Variants in FIP1L1 observed in about 807,000 individuals in gnomAD.
The protein encoded by FIP1L1 is pre-mRNA 3'-end-processing factor FIP1.
A neutral mutation model predicts 84.6 loss-of-function variants in FIP1L1; 21 were observed. That is an observed-to-expected ratio of 0.25 (90% CI 0.18 to 0.36). The LOEUF is 0.36. Among genes scored for constraint, FIP1L1 ranks in the 10% least tolerant of loss-of-function variants. FIP1L1 has a pLI of 1.00. For missense variants in FIP1L1, 526 were observed against 751.1 expected (o/e 0.70, Z 3.50); for synonymous variants, 263 against 242.3 (o/e 1.09, Z -0.80).
At position 53,399,699 on chromosome 4, in the gene FIP1L1, T is replaced by C. The variant is rs761468740; in HGVS notation, c.706-31T>C. ...CATTATGTTTGAGTGTTCTGTTAAA[T>C]TCAACAAGCTAATAACCTTTTTTTT... On this transcript the variant is annotated intron_variant, in intron 9 of 17. Transcript: ENST00000337488. 1.2e-5 allele frequency: 17 copies of C among 1,442,158 alleles called. No individual in the cohort carries two copies. In the South Asian group the frequency reaches 1.4e-4, roughly 12 times the overall value. The allele number at this position is 1,442,158 out of a possible 1,614,324, so 89.3% of individuals were successfully genotyped here.
intron 9 of FIP1L1, among the ~76,000 whole-genome samples, chr4:53,397,325 A>G (rs535329311): frequency 1.3e-5 from 2 of 152,304 alleles, no homozygotes; most frequent in East Asian, 3.9e-4. Context: ...TGGTAGACTC[A>G]GTAAAATTGG....
intron 11 of FIP1L1, 97 bp from the exon 12 acceptor site, chr4:53,425,775 T>C: frequency 1.2e-6 from 1 of 830,250 alleles, no homozygotes; most frequent in Non-Finnish European, 1.9e-6. Context: ...TTTTAAAATT[T>C]ATTGCAAACA....
Position 53,389,844 on chromosome 4 carries a change from A to G in FIP1L1, c.368A>G (p.Lys123Arg). The change falls in exon 6 of 18, where the codon AAG becomes AGG. Residue 123 changes from lysine (K) to arginine (R), a missense_variant. This residue lies in a region of FIP1L1 where 169 missense variants were observed against 206.9 expected (regional missense o/e 0.82). Coordinates refer to ENST00000337488, the MANE Select transcript of FIP1L1 (RefSeq NM_030917.4). ...YGTAPVNLNI[K>R]TGGRVYGTTG... ...ACAGCACCTGTAAATCTTAACATCA[A>G]GACAGGGGGAAGAGTTTATGGAACT... The G allele has an allele frequency of 6.2e-7, 1 of 1,602,524 alleles. No homozygotes were observed. Among genetic ancestry groups the G allele is most frequent in the Non-Finnish European group, 8.5e-7 (1 of 1,176,380 alleles).
chr4:53,458,196 A>G (rs142070223), intron 16 of FIP1L1, among the ~76,000 whole-genome samples: 1 of 152,250 alleles, frequency 6.6e-6, no homozygotes, highest in Non-Finnish European at 1.5e-5. Flanking sequence ...AGTAATTGTG[A>G]GTCGTGTATT....
chr4:53,396,427 A>T (rs562485793), intron 9 of FIP1L1, among the ~76,000 whole-genome samples: 1 of 151,948 alleles, frequency 6.6e-6, no homozygotes, highest in African/African-American at 2.4e-5. Context: ...CCCAAGATGG[A>T]GTCTTGCTCT....
At chr4:53,425,205 A>T (rs1763856904) in intron 11 of FIP1L1, among the ~76,000 whole-genome samples, 1 of 152,098 alleles carries the variant, frequency 6.6e-6, no homozygotes, top group African/African-American at 2.4e-5. Flanking sequence ...TTTTAACATT[A>T]TTTTATTTAA....
At position 53,439,013 on chromosome 4, in the gene FIP1L1, C is replaced by T. The variant is rs149113209; in HGVS notation, c.1175-3640C>T. 4.1e-3 allele frequency among the ~76,000 whole-genome samples: 628 copies of T among 152,126 alleles called. 5 individuals are homozygous for T. Among genetic ancestry groups the T allele is most frequent in the African/African-American group, 0.014 (592 of 41,522 alleles). On this transcript the variant is annotated intron_variant, in intron 13 of 17. Transcript: ENST00000337488. The stretch of plus-strand genomic sequence containing the variant: ...TAAATCTTATCTTACAAATCTGTAT[C>T]TTATAAATCTACGAAAATAATCATG...
chr4:53,417,762 CA>C, intron 11 of FIP1L1, among the ~76,000 whole-genome samples: 1 of 14,638 alleles, frequency 6.8e-5, no homozygotes, highest in African/African-American at 1.4e-4. Flanking sequence ...CACACACACA[CA>C]CTCTCTCTCT....
intron 10 of FIP1L1, among the ~76,000 whole-genome samples, chr4:53,405,972 C>A (rs1336841217): frequency 2.6e-5 from 4 of 151,976 alleles, no homozygotes. Context: ...AATTTGACTT[C>A]CTCTTTTCCT....
intron 5 of FIP1L1, among the ~76,000 whole-genome samples, chr4:53,389,277 A>T (rs1742847199): frequency 6.6e-6 from 1 of 152,202 alleles, no homozygotes; most frequent in African/African-American, 2.4e-5. Context: ...TTTGACAACA[A>T]GTTGGAGGAA....
At chr4:53,445,150 A>G (rs1331658818) in intron 15 of FIP1L1, among the ~76,000 whole-genome samples, 1 of 152,198 alleles carries the variant, frequency 6.6e-6, no homozygotes, top group Non-Finnish European at 1.5e-5. Context: ...CGTTATAGCC[A>G]TGCTGTGGAG....
chr4:53,381,794 C>T (rs765599390), intron 3 of FIP1L1, among the ~76,000 whole-genome samples: 23 of 91,930 alleles, frequency 2.5e-4, no homozygotes, highest in Non-Finnish European at 4.6e-4. Context: ...GCATCTCACG[C>T]TGTCGCCCAG....
intron 15 of FIP1L1, among the ~76,000 whole-genome samples, chr4:53,452,396 G>A (rs1716607760): frequency 6.6e-6 from 1 of 151,218 alleles, no homozygotes; most frequent in African/African-American, 2.4e-5. Context: ...TCTGTTCACT[G>A]TAACCTCCGC....
At chr4:53,402,868 C>T (rs1751020042) in intron 10 of FIP1L1, among the ~76,000 whole-genome samples, 2 of 152,080 alleles carry the variant, frequency 1.3e-5, no homozygotes, top group South Asian at 2.1e-4. Context: ...AAGCATGGAC[C>T]GTTCATTCAT....
At chr4:53,457,229 G>T (rs1372719013) in intron 16 of FIP1L1, among the ~76,000 whole-genome samples, 1 of 151,936 alleles carries the variant, frequency 6.6e-6, no homozygotes, top group African/African-American at 2.4e-5. Context: ...TAATAGCCTC[G>T]GTCACTCATT....
rs2149200641 is a variant in FIP1L1 at position 53,377,863 on chromosome 4, C to T, written c.25C>T (p.Leu9=). 6.3e-7 allele frequency: 1 copy of T among 1,598,350 alleles called. No homozygotes were observed. The highest frequency in any genetic ancestry group is 8.5e-7 in the Non-Finnish European group (1 of 1,172,528). Residue 9 remains leucine, a synonymous_variant, in exon 1 of 18, where the codon CTA becomes TTA. Coordinates refer to ENST00000337488, the MANE Select transcript of FIP1L1 (RefSeq NM_030917.4). The stretch of plus-strand genomic sequence containing the variant: ...CATGTCGGCCGGCGAGGTCGAGCGC[C>T]TAGTGTCGGAGCTGAGCGGCGGGAC... MSAGEVER[L]VSELSGGTGG...
rs1735379941 is a variant in FIP1L1, at chr4:53,377,868, G to A, written c.30G>A (p.Val10=). 1 of 1,601,292 alleles carries A rather than the reference G, an allele frequency of 6.2e-7. No homozygotes were observed. Among genetic ancestry groups the A allele is most frequent in the Admixed American group, 1.7e-5 (1 of 58,514 alleles). The change falls in exon 1 of 18, where the codon GTG becomes GTA. Residue 10 remains valine (V), a synonymous_variant. Transcript: ENST00000337488. MSAGEVERL[V]SELSGGTGGD... ...CGGCCGGCGAGGTCGAGCGCCTAGT[G>A]TCGGAGCTGAGCGGCGGGACCGGAG...
rs947185953 is a variant in FIP1L1 at position 53,394,553 on chromosome 4, C to G, written c.705+3055C>G. ...TTCTGGTAGCTGGAGCTTTTAATTT[C>G]TGAATTTTTGAGGGTCCTGACATGA... On this transcript the variant is annotated intron_variant, in intron 9 of 17. Coordinates refer to ENST00000337488, the MANE Select transcript of FIP1L1 (RefSeq NM_030917.4). Among the ~76,000 whole-genome samples, 13 of 152,200 alleles carry G rather than the reference C, an allele frequency of 8.5e-5. No individual in the cohort carries two copies. In the East Asian group the frequency reaches 2.5e-3, roughly 29 times the overall value.
chr4:53,401,899 A>G (rs1385871536), intron 10 of FIP1L1, among the ~76,000 whole-genome samples: 1 of 152,230 alleles, frequency 6.6e-6, no homozygotes, highest in Non-Finnish European at 1.5e-5. Flanking sequence ...TCAGTGTTTA[A>G]TATTACTTAA....
Sources: allele counts gnomAD v4.1 joint callset (sites outside exome capture counted in the v4.1 genomes callset), GRCh38; gene constraint gnomAD v4.1.1; regional missense constraint gnomAD v4.1.1; transcripts MANE v1.5; gene names NCBI Gene and HGNC (gene_info 2026-07-23, HGNC 2026-07-21).